MAP3K1: variants seen among roughly 807,000 people sequenced by gnomAD.
MAP3K1 encodes mitogen-activated protein kinase kinase kinase 1.
A neutral mutation model predicts 144.2 loss-of-function variants in MAP3K1; 36 were observed. That is an observed-to-expected ratio of 0.25 (90% CI 0.19 to 0.33). The LOEUF (loss-of-function observed/expected upper bound fraction) is 0.33, where lower values mean the gene tolerates loss of function less well. Ranked by LOEUF, MAP3K1 falls within the 10% of genes least tolerant of loss-of-function variation. The pLI is 1.00. For missense variants in MAP3K1, 1,650 were observed against 1,881.9 expected, an observed-to-expected ratio of 0.88 and a Z score of 2.28; for synonymous variants, 718 against 688.7, an observed-to-expected ratio of 1.04 and a Z score of -0.67.
chr5:56,831,207 T>A (rs1746481331), intron 1 of MAP3K1, among the ~76,000 whole-genome samples: 1 of 145,702 alleles, frequency 6.9e-6, no homozygotes, highest in Non-Finnish European at 1.5e-5. Flanking sequence ...TTTTTTAGGA[T>A]CATGTGTGTG....
intron 3 of MAP3K1, 118 bp downstream of exon 3, chr5:56,860,033 C>G: frequency 1.1e-6 from 1 of 920,076 alleles, no homozygotes; most frequent in East Asian, 2.6e-5. Context: ...GATCTGCAGA[C>G]CCCTGAGGAT....
rs1427942258 is a variant in MAP3K1 at position 56,895,361 on chromosome 5, ATTTTGT to A, written c.*1686_*1691del. ...TGTGTTGTACTTGACTTTCTTTTTT[ATTTTGT>A]TTTTTTTTTTTTTTGACTACTTAGA... On this transcript the variant is annotated 3_prime_UTR_variant, in exon 20 of 20. Coordinates refer to ENST00000399503, the MANE Select transcript of MAP3K1 (RefSeq NM_005921.2). 1.3e-5 allele frequency: 2 copies of A among 156,902 alleles called. No individual in the cohort carries two copies. The highest frequency in any genetic ancestry group is 1.3e-5 in the Non-Finnish European group (1 of 76,618). The allele number at this position is 156,902 out of a possible 1,614,324, so 9.7% of individuals were successfully genotyped here.
At chr5:56,872,794 T>G in intron 8 of MAP3K1, 31 bp from the exon 9 acceptor site, 1 of 1,613,616 alleles carries the variant, frequency 6.2e-7, no homozygotes, top group South Asian at 1.1e-5. Flanking sequence ...CTTAATTTTT[T>G]TAAAGCAAGT....
chr5:56,827,615 G>A (rs184758445), intron 1 of MAP3K1, among the ~76,000 whole-genome samples: 2 of 152,338 alleles, frequency 1.3e-5, no homozygotes, highest in Admixed American at 6.5e-5. Context: ...CGTAATCCCA[G>A]TACTTTGGGA....
chr5:56,844,583 T>A (rs1746933069), intron 1 of MAP3K1, among the ~76,000 whole-genome samples: 1 of 152,082 alleles, frequency 6.6e-6, no homozygotes, highest in Non-Finnish European at 1.5e-5. Flanking sequence ...AGGCATCACC[T>A]CCTCTGTGGA....
Position 56,894,369 on chromosome 5 carries a change from A to T in MAP3K1, c.*689A>T, listed in dbSNP as rs1399275013. On this transcript the variant is annotated 3_prime_UTR_variant, in exon 20 of 20. Coordinates refer to ENST00000399503, the MANE Select transcript of MAP3K1 (RefSeq NM_005921.2). ...GGAAAGCTGATCTTTTTTTCAAACC[A>T]GAAAAAAAAAATGAACTAGATATGA... 8.6e-6 allele frequency: 2 copies of T among 232,010 alleles called. No individual in the cohort carries two copies. The highest frequency in any genetic ancestry group is 1.7e-5 in the Non-Finnish European group (2 of 117,576). 14.4% of individuals were successfully genotyped at this position (232,010 alleles called of 1,614,324 possible).
intron 1 of MAP3K1, chr5:56,820,511 T>A (rs1746122754): frequency 1.0e-6 from 1 of 984,282 alleles, no homozygotes; most frequent in Non-Finnish European, 1.2e-6. Flanking sequence ...GCCTTGTATA[T>A]GTAATACAAG....
chr5:56,835,723 A>AG (rs918279262), intron 1 of MAP3K1, among the ~76,000 whole-genome samples: 4 of 151,736 alleles, frequency 2.6e-5, no homozygotes, highest in Admixed American at 6.6e-5. Flanking sequence ...TAAGATAAAA[A>AG]GGGGGGGAAT....
intron 10 of MAP3K1, among the ~76,000 whole-genome samples, chr5:56,878,249 A>G (rs1262545012): frequency 1.3e-5 from 2 of 152,132 alleles, no homozygotes; most frequent in Non-Finnish European, 2.9e-5. Flanking sequence ...CACCATTAAA[A>G]ATGGTGCTCT....
chr5:56,878,666 C>T (rs1748112072), intron 10 of MAP3K1, among the ~76,000 whole-genome samples: 1 of 152,110 alleles, frequency 6.6e-6, no homozygotes, highest in African/African-American at 2.4e-5. Flanking sequence ...CAGCCTTGAC[C>T]ATTGGGAGCT....
intron 1 of MAP3K1, among the ~76,000 whole-genome samples, chr5:56,835,232 A>G (rs970044370): frequency 6.6e-6 from 1 of 152,204 alleles, no homozygotes; most frequent in Non-Finnish European, 1.5e-5. Context: ...TATTTCCTGG[A>G]AAAGAGCTGA....
At chr5:56,864,347 G>A (rs1747608575) in intron 3 of MAP3K1, among the ~76,000 whole-genome samples, 1 of 148,886 alleles carries the variant, frequency 6.7e-6, no homozygotes, top group Non-Finnish European at 1.5e-5. Flanking sequence ...CCACATGACT[G>A]TCTTGTATGA....
chr5:56,828,127 C>CT (rs756267823), intron 1 of MAP3K1, among the ~76,000 whole-genome samples: 1 of 152,180 alleles, frequency 6.6e-6, no homozygotes, highest in Non-Finnish European at 1.5e-5. Flanking sequence ...TGCTGTGCTA[C>CT]TTATCACTAG....
chr5:56,888,460 G>T (rs1423526730), intron 19 of MAP3K1, 103 bp downstream of exon 19: 2 of 979,978 alleles, frequency 2.0e-6, no homozygotes, highest in Non-Finnish European at 3.2e-6. Context: ...TAGCATGAAG[G>T]TAAATAAATA....
chr5:56,854,486 A>C (rs952450564), intron 1 of MAP3K1, among the ~76,000 whole-genome samples: 1 of 151,848 alleles, frequency 6.6e-6, no homozygotes, highest in Admixed American at 6.6e-5. Context: ...CATAGTCCTT[A>C]AACATAAATA....
chr5:56,887,855 A>C, intron 18 of MAP3K1: 1 of 434,094 alleles, frequency 2.3e-6, no homozygotes, highest in Non-Finnish European at 4.2e-6. Flanking sequence ...GGAGATGAGC[A>C]TACAGAGGCA....
chr5:56,872,809 T>C lies in MAP3K1; in HGVS notation c.1506-16T>C. ...CTTAATTTTTTTAAAGCAAGTTTTG[T>C]TATTTTTCATTTTAGCCACGAGTTG... On this transcript the variant is annotated splice_polypyrimidine_tract_variant and intron_variant, in intron 8 of 19. Coordinates refer to ENST00000399503, the MANE Select transcript of MAP3K1 (RefSeq NM_005921.2). The C allele has an allele frequency of 6.2e-7, 1 of 1,614,102 alleles. No individual in the cohort carries two copies. The highest frequency in any genetic ancestry group is 8.5e-7 in the Non-Finnish European group (1 of 1,179,950).
intron 1 of MAP3K1, among the ~76,000 whole-genome samples, chr5:56,833,995 T>C (rs1746571253): frequency 6.6e-6 from 1 of 152,188 alleles, no homozygotes; most frequent in Non-Finnish European, 1.5e-5. Flanking sequence ...TCAGTAATCT[T>C]CCTGACCCCT....
chr5:56,820,208 A>G (rs373970572), intron 1 of MAP3K1, among the ~76,000 whole-genome samples: 1 of 152,198 alleles, frequency 6.6e-6, no homozygotes, highest in South Asian at 2.1e-4. Context: ...GCCCCCTAAG[A>G]TAGTGTAATT....
Sources: gnomAD v4.1 joint callset for allele counts (sites outside exome capture counted in the v4.1 genomes callset) on GRCh38, gnomAD v4.1.1 for gene constraint, MANE v1.5 for transcripts, NCBI Gene and HGNC (gene_info 2026-07-23, HGNC 2026-07-21) for gene names.